Variants in DLG2 observed in about 807,000 individuals in gnomAD.
DLG2 encodes discs large MAGUK scaffold protein 2.
A neutral mutation model predicts 132.5 loss-of-function variants in DLG2; 45 were observed. The observed-to-expected ratio is 0.34, with a 90% CI of 0.27 to 0.44. DLG2 has a LOEUF of 0.44. Among genes scored for constraint, DLG2 ranks in the 20% least tolerant of loss-of-function variants. DLG2 has a pLI of 1.00. For synonymous variants in DLG2, 424 were observed against 419.6 expected, an observed-to-expected ratio of 1.01 and a Z score of -0.13; for missense variants, 1,045 against 1,196.9, an observed-to-expected ratio of 0.87 and a Z score of 1.87.
At chr11:85,266,112 G>A (rs1366005985) in intron 4 of DLG2, among the ~76,000 whole-genome samples, 1 of 152,250 alleles carries the variant, frequency 6.6e-6, no homozygotes, top group Non-Finnish European at 1.5e-5. Context: ...TCCATAGACA[G>A]TGTAGCTAAG....
intron 6 of DLG2, among the ~76,000 whole-genome samples, chr11:84,773,650 A>C (rs2069832536): frequency 6.6e-6 from 1 of 152,202 alleles, no homozygotes; most frequent in Admixed American, 6.5e-5. Context: ...TACGAAAATC[A>C]ATAAATGTGA....
rs759742355 is a variant in DLG2 at position 84,334,135 on chromosome 11, A to T, written c.520-82844T>A. 4.8e-4 allele frequency among the ~76,000 whole-genome samples: 73 copies of T among 152,198 alleles called. 1 individual carries two copies. The highest frequency in any genetic ancestry group is 6.5e-4 in the Non-Finnish European group (44 of 68,034). On this transcript the variant is annotated intron_variant, in intron 7 of 27. Transcript: ENST00000376104. ...CATTAAATCAACATTCAAAATGAGA[A>T]TTATTCTCAAAAACCTTCTTTTATA...
rs903866330 is a variant in DLG2, at chr11:83,457,593, C to T, written c.*2225G>A. The T allele has an allele frequency of 5.2e-5, 8 of 152,564 alleles. No individual in the cohort carries two copies. The highest frequency in any genetic ancestry group is 1.9e-4 in the East Asian group (1 of 5,188). The allele number at this position is 152,564 out of a possible 1,614,324, so 9.5% of individuals were successfully genotyped here. On this transcript the variant is annotated 3_prime_UTR_variant, in exon 28 of 28. Transcript: ENST00000376104. The stretch of plus-strand genomic sequence containing the variant: ...TAAATGGAAAGCACATCACACGACC[C>T]GCGAAAACATCTACTCATTAATGAC...
At chr11:85,106,454 C>A (rs2071771887) in intron 6 of DLG2, among the ~76,000 whole-genome samples, 2 of 151,892 alleles carry the variant, frequency 1.3e-5, no homozygotes, top group South Asian at 4.1e-4. Context: ...ACTCCTAGAA[C>A]CTTTTTCCAG....
intron 7 of DLG2, among the ~76,000 whole-genome samples, chr11:84,270,638 T>C (rs1287856135): frequency 6.6e-6 from 1 of 152,176 alleles, no homozygotes; most frequent in South Asian, 2.1e-4. Flanking sequence ...TCATAGCTTA[T>C]GGTGTGTGAG....
At chr11:85,504,639 G>C (rs1177681538) in intron 3 of DLG2, among the ~76,000 whole-genome samples, 1 of 152,176 alleles carries the variant, frequency 6.6e-6, no homozygotes, top group Admixed American at 6.5e-5. Flanking sequence ...TTTGAAGTCA[G>C]GTAGCGTGGT....
intron 6 of DLG2, among the ~76,000 whole-genome samples, chr11:85,018,276 T>G (rs1004906109): frequency 1.3e-5 from 2 of 152,078 alleles, no homozygotes; most frequent in African/African-American, 4.8e-5. Flanking sequence ...ACTTATCAAT[T>G]AAAAGAACCA....
At chr11:83,906,417 T>C (rs571534533) in intron 15 of DLG2, among the ~76,000 whole-genome samples, 2 of 151,378 alleles carry the variant, frequency 1.3e-5, no homozygotes, top group South Asian at 4.2e-4. Context: ...GTTCGGGAGA[T>C]AGGGGAGCAC....
At chr11:85,366,570 G>A (rs1036844555) in intron 3 of DLG2, among the ~76,000 whole-genome samples, 5 of 151,962 alleles carry the variant, frequency 3.3e-5, no homozygotes, top group African/African-American at 1.2e-4. Context: ...AATATTTTTT[G>A]TTAGACATTC....
At chr11:85,576,033 T>C (rs1230745415) in intron 3 of DLG2, among the ~76,000 whole-genome samples, 3 of 152,200 alleles carry the variant, frequency 2.0e-5, no homozygotes, top group Non-Finnish European at 4.4e-5. Flanking sequence ...TTTACATTTG[T>C]TGAGACAGCT....
intron 6 of DLG2, among the ~76,000 whole-genome samples, chr11:85,049,460 T>A (rs2062681213): frequency 7.1e-6 from 1 of 140,562 alleles, no homozygotes; most frequent in Non-Finnish European, 1.6e-5. Context: ...AATTCCTCAA[T>A]CTGAACATTA....
At chr11:85,431,649 G>T (rs1318660363) in intron 3 of DLG2, among the ~76,000 whole-genome samples, 1 of 152,200 alleles carries the variant, frequency 6.6e-6, no homozygotes, top group Non-Finnish European at 1.5e-5. Context: ...AGGGGCTCAG[G>T]GACCAAACTC....
chr11:83,575,657 C>T (rs2144269599), intron 19 of DLG2, among the ~76,000 whole-genome samples: 1 of 152,250 alleles, frequency 6.6e-6, no homozygotes, highest in South Asian at 2.1e-4. Flanking sequence ...GAAAACTTCA[C>T]AATTCATGGG....
chr11:83,539,614 T>A (rs1333184361), intron 20 of DLG2, among the ~76,000 whole-genome samples: 2 of 151,392 alleles, frequency 1.3e-5, no homozygotes, highest in African/African-American at 4.8e-5. Context: ...AAAAGAAAAT[T>A]TGGCAGAAAT....
chr11:84,299,198 T>C (rs1322676238), intron 7 of DLG2, among the ~76,000 whole-genome samples: 1 of 152,164 alleles, frequency 6.6e-6, no homozygotes, highest in Non-Finnish European at 1.5e-5. Context: ...GATACGTAAG[T>C]GTAAGTCAGA....
chr11:84,013,919 T>G (rs2095032917), intron 11 of DLG2, among the ~76,000 whole-genome samples: 1 of 146,886 alleles, frequency 6.8e-6, no homozygotes, highest in Non-Finnish European at 1.5e-5. Flanking sequence ...AAAACTTCCT[T>G]AATTAACCAA....
At chr11:84,764,007 G>A (rs2068033067) in intron 6 of DLG2, among the ~76,000 whole-genome samples, 1 of 151,954 alleles carries the variant, frequency 6.6e-6, no homozygotes, top group Non-Finnish European at 1.5e-5. Flanking sequence ...AAATTTTCCT[G>A]GCTTACAATT....
chr11:85,613,773 C>T (rs1055112884), intron 2 of DLG2, among the ~76,000 whole-genome samples: 1 of 152,176 alleles, frequency 6.6e-6, no homozygotes, highest in African/African-American at 2.4e-5. Context: ...AGCAGCAACC[C>T]GCTTGGGTCC....
intron 7 of DLG2, among the ~76,000 whole-genome samples, chr11:84,335,544 G>A (rs1249805692): frequency 2.0e-5 from 3 of 152,138 alleles, no homozygotes; most frequent in Non-Finnish European, 4.4e-5. Context: ...ATATATACAT[G>A]CTGATGATTT....
Sources: allele counts gnomAD v4.1 joint callset (sites outside exome capture counted in the v4.1 genomes callset), GRCh38; gene constraint gnomAD v4.1.1; transcripts MANE v1.5; gene names NCBI Gene and HGNC (gene_info 2026-07-23, HGNC 2026-07-21).